Variants in TEX2 observed in about 807,000 individuals in gnomAD.
The protein encoded by TEX2 is testis expressed 2.
In TEX2, 53 loss-of-function variants were observed where a neutral mutation model predicts 106.9. The observed-to-expected ratio is 0.50, with a 90% confidence interval of 0.40 to 0.62. The LOEUF (loss-of-function observed/expected upper bound fraction) is 0.62, where lower values mean the gene tolerates loss of function less well. Ranked by LOEUF, TEX2 falls within the 20% of genes least tolerant of loss-of-function variation. The pLI is 0.00. For synonymous variants in TEX2, 523 were observed against 534.8 expected (o/e 0.98, Z 0.30); for missense variants, 1,207 against 1,379.0 (o/e 0.88, Z 1.98).
At chr17:64,241,743 C>A (rs1341148125) in intron 1 of TEX2, among the ~76,000 whole-genome samples, 1 of 152,146 alleles carries the variant, frequency 6.6e-6, no homozygotes, top group Non-Finnish European at 1.5e-5. Flanking sequence ...AAGCAATCCT[C>A]CTACTCAGCC....
chr17:64,257,165 T>G (rs1555637860), intron 1 of TEX2, among the ~76,000 whole-genome samples: 1 of 152,242 alleles, frequency 6.6e-6, no homozygotes, highest in Non-Finnish European at 1.5e-5. Flanking sequence ...GGAAAAGCCC[T>G]TAGAACCAAT....
At chr17:64,234,778 A>G (rs782243727) in intron 1 of TEX2, among the ~76,000 whole-genome samples, 1 of 152,246 alleles carries the variant, frequency 6.6e-6, no homozygotes, top group African/African-American at 2.4e-5. Flanking sequence ...ATGATGGAGT[A>G]AATGACACCA....
At chr17:64,196,982 A>ATGTTTTTTTT (rs781980439) in intron 2 of TEX2, among the ~76,000 whole-genome samples, 1 of 63,568 alleles carries the variant, frequency 1.6e-5, no homozygotes, top group Non-Finnish European at 2.9e-5. Context: ...TCAAATCAAG[A>ATGTTTTTTTT]TTTTTTTTTT....
chr17:64,206,366 T>C (rs1463685568), intron 2 of TEX2, among the ~76,000 whole-genome samples: 1 of 152,184 alleles, frequency 6.6e-6, no homozygotes, highest in Non-Finnish European at 1.5e-5. Flanking sequence ...GTATTGGCCT[T>C]TGTGCCAATA....
intron 5 of TEX2, among the ~76,000 whole-genome samples, chr17:64,182,557 A>G (rs1386100341): frequency 6.6e-6 from 1 of 152,134 alleles, no homozygotes; most frequent in Non-Finnish European, 1.5e-5. Context: ...ACCACAGTCA[A>G]TTTTAGAACA....
chr17:64,210,956 T>TTTA (rs782136569), intron 2 of TEX2, among the ~76,000 whole-genome samples: 173 of 151,518 alleles, frequency 1.1e-3, no homozygotes, highest in African/African-American at 2.8e-3. Flanking sequence ...TGTTACTTAT[T>TTTA]TTATTATTAT....
At chr17:64,222,381 G>A (rs1555633389) in intron 1 of TEX2, among the ~76,000 whole-genome samples, 2 of 151,950 alleles carry the variant, frequency 1.3e-5, no homozygotes, top group Non-Finnish European at 2.9e-5. Context: ...AGCTGGGTGT[G>A]GTGGTGGGCA....
intron 4 of TEX2, among the ~76,000 whole-genome samples, chr17:64,190,300 T>C (rs1381075796): frequency 1.3e-5 from 2 of 152,328 alleles, no homozygotes; most frequent in Non-Finnish European, 1.5e-5. Context: ...TTACATTTAA[T>C]ATCCTGGATT....
At chr17:64,231,437 C>T (rs2033656025) in intron 1 of TEX2, among the ~76,000 whole-genome samples, 1 of 152,180 alleles carries the variant, frequency 6.6e-6, no homozygotes, top group African/African-American at 2.4e-5. Context: ...AAGGACGGAA[C>T]CAAAGGAGAG....
chr17:64,158,790 A>G (rs2030751026), intron 8 of TEX2, among the ~76,000 whole-genome samples: 1 of 152,188 alleles, frequency 6.6e-6, no homozygotes, highest in African/African-American at 2.4e-5. Context: ...TTCTGAAAAA[A>G]GGGGTAAGGG....
At chr17:64,167,531 T>G (rs1419959368) in intron 7 of TEX2, among the ~76,000 whole-genome samples, 1 of 152,136 alleles carries the variant, frequency 6.6e-6, no homozygotes, top group Non-Finnish European at 1.5e-5. Flanking sequence ...TAAGAATCCC[T>G]GTTTGAGCTG....
At position 64,160,873 on chromosome 17, in the gene TEX2, T is replaced by C. The variant is rs775710734; in HGVS notation, c.2732A>G (p.Lys911Arg). 13 of 1,614,062 alleles carry C rather than the reference T, an allele frequency of 8.1e-6. No homozygotes were observed. Among genetic ancestry groups the C allele is most frequent in the Non-Finnish European group, 1.1e-5 (13 of 1,180,028 alleles). ...NGSFLMTLET[K>R]MNLTKLGKEP... ...TTTACCTAGTTTGGTCAAATTCATT[T>C]TGGTCTCGAGAGTCATCAGAAAGGA... Residue 911 changes from lysine (K) to arginine (R), a missense_variant, in exon 8 of 12, where the codon AAA (lysine) becomes AGA (arginine). Coordinates refer to ENST00000584379, the MANE Select transcript of TEX2 (RefSeq NM_001288732.2).
chr17:64,157,034 GAA>G (rs767546695), intron 8 of TEX2, among the ~76,000 whole-genome samples: 13 of 152,230 alleles, frequency 8.5e-5, no homozygotes, highest in Non-Finnish European at 1.8e-4. Flanking sequence ...CAGATGATGT[GAA>G]AATCTGATTT....
intron 2 of TEX2, among the ~76,000 whole-genome samples, chr17:64,203,389 C>A (rs2032731467): frequency 6.6e-6 from 1 of 152,242 alleles, no homozygotes; most frequent in Non-Finnish European, 1.5e-5. Flanking sequence ...GGGCCTGAGG[C>A]CCCTCCTGTT....
chr17:64,203,032 ATTTTAAAAGATT>A (rs1460266218), intron 2 of TEX2, among the ~76,000 whole-genome samples: 1 of 152,220 alleles, frequency 6.6e-6, no homozygotes. Flanking sequence ...GCCATTTAAT[ATTTTAAAAGATT>A]AAAAGCTACA....
chr17:64,170,870 G>C (rs934849668), intron 7 of TEX2, among the ~76,000 whole-genome samples: 1 of 152,036 alleles, frequency 6.6e-6, no homozygotes, highest in African/African-American at 2.4e-5. Context: ...CCTGACCTCA[G>C]GTGATCCGCC....
intron 1 of TEX2, among the ~76,000 whole-genome samples, chr17:64,238,860 T>C (rs2033825985): frequency 6.6e-6 from 1 of 152,142 alleles, no homozygotes; most frequent in Non-Finnish European, 1.5e-5. Context: ...AAAATAACTG[T>C]TCCTTAAAAT....
At chr17:64,227,153 G>A (rs1315583597) in intron 1 of TEX2, among the ~76,000 whole-genome samples, 1 of 151,478 alleles carries the variant, frequency 6.6e-6, no homozygotes, top group Non-Finnish European at 1.5e-5. Context: ...TTGAACCCTG[G>A]AGGCGGAGGT....
chr17:64,191,817 C>CAAAAAAAAAAAA (rs58376086), intron 4 of TEX2, among the ~76,000 whole-genome samples: 11 of 119,902 alleles, frequency 9.2e-5, no homozygotes, highest in African/African-American at 2.2e-4. Flanking sequence ...GACTCCATCT[C>CAAAAAAAAAAAA]AAAAAAAAAA....
Sources: allele counts gnomAD v4.1 joint callset (sites outside exome capture counted in the v4.1 genomes callset), GRCh38; gene constraint gnomAD v4.1.1; transcripts MANE v1.5; gene names NCBI Gene and HGNC (gene_info 2026-07-23, HGNC 2026-07-21).